SPIDR: variants seen among roughly 807,000 people sequenced by gnomAD.
SPIDR encodes the protein scaffold protein involved in DNA repair.
SPIDR carries 93 observed loss-of-function variants against 104.6 expected under a neutral mutation model. That is an observed-to-expected ratio of 0.89 (90% CI 0.75 to 1.06). The LOEUF (loss-of-function observed/expected upper bound fraction) is 1.06. Among genes scored for constraint, SPIDR ranks in the 50% least tolerant of loss-of-function variants. The pLI, the probability that SPIDR is intolerant of heterozygous loss-of-function variation, is 0.00. For synonymous variants in SPIDR, 431 were observed against 416.9 expected (o/e 1.03, Z -0.41); for missense variants, 1,154 against 1,111.2 (o/e 1.04, Z -0.55).
chr8:47,510,649 A>G (rs2082177713), intron 8 of SPIDR, among the ~76,000 whole-genome samples: 1 of 152,158 alleles, frequency 6.6e-6, no homozygotes, highest in South Asian at 2.1e-4. Context: ...TAACAAATAT[A>G]CTTGTTGAAT....
At chr8:47,482,207 T>A (rs2076974176) in intron 8 of SPIDR, among the ~76,000 whole-genome samples, 1 of 152,242 alleles carries the variant, frequency 6.6e-6, no homozygotes, top group Non-Finnish European at 1.5e-5. Context: ...TATTCATTCC[T>A]ATTTTTTGTA....
At chr8:47,726,206 C>G (rs773545228) in intron 16 of SPIDR, among the ~76,000 whole-genome samples, 3 of 152,220 alleles carry the variant, frequency 2.0e-5, no homozygotes, top group Non-Finnish European at 4.4e-5. Flanking sequence ...AAATCAAGAT[C>G]TATTATTTTC....
intron 7 of SPIDR, among the ~76,000 whole-genome samples, chr8:47,417,823 G>A (rs1383649014): frequency 2.0e-5 from 3 of 152,158 alleles, no homozygotes; most frequent in African/African-American, 7.2e-5. Flanking sequence ...AAGGGATCCA[G>A]TTTCAGCTTT....
At chr8:47,729,737 T>G (rs2084895995) in intron 19 of SPIDR, 1 of 475,356 alleles carries the variant, frequency 2.1e-6, no homozygotes, top group South Asian at 3.0e-5. Context: ...GTTTTTGTTT[T>G]TAGACAGAGT....
At chr8:47,304,582 T>C (rs1232694296) in intron 5 of SPIDR, among the ~76,000 whole-genome samples, 1 of 152,168 alleles carries the variant, frequency 6.6e-6, no homozygotes, top group Non-Finnish European at 1.5e-5. Flanking sequence ...CCATGTGAAG[T>C]GTCTGCTTCC....
chr8:47,288,087 C>G (rs1248197956), intron 3 of SPIDR, among the ~76,000 whole-genome samples: 1 of 152,030 alleles, frequency 6.6e-6, no homozygotes, highest in African/African-American at 2.4e-5. Context: ...TCCCTCTGTT[C>G]GGGGTCCCTG....
chr8:47,426,956 C>T (rs900861369), intron 7 of SPIDR, among the ~76,000 whole-genome samples: 4 of 151,960 alleles, frequency 2.6e-5, no homozygotes, highest in African/African-American at 7.3e-5. Flanking sequence ...TATTGAAGTA[C>T]GTTTTGAAGA....
At position 47,567,861 on chromosome 8, in the gene SPIDR, C is replaced by G. The variant is rs142942895; in HGVS notation, c.1098-27950C>G. Reference sequence around the variant, plus strand: ...AGTGCAGAGGCATAATCACAGCTCACTGCAGCCTTGACTTCCTGGGCTCAA... The same window carrying G: ...AGTGCAGAGGCATAATCACAGCTCAGTGCAGCCTTGACTTCCTGGGCTCAA... On this transcript the variant is annotated intron_variant, in intron 8 of 19. Coordinates refer to ENST00000297423, the MANE Select transcript of SPIDR (RefSeq NM_001080394.4). 6.4e-4 allele frequency among the ~76,000 whole-genome samples: 86 copies of G among 135,120 alleles called. 2 individuals carry two copies. In the East Asian group the frequency reaches 0.02, roughly 31 times the overall value. 88.6% of individuals were successfully genotyped at this position (135,120 alleles called of 152,430 possible).
At position 47,455,637 on chromosome 8, in the gene SPIDR, T is replaced by C. The variant is rs140719571; in HGVS notation, c.1097+15095T>C. 3.5e-3 allele frequency among the ~76,000 whole-genome samples: 536 copies of C among 151,974 alleles called. 7 individuals are homozygous for C. The highest frequency in any genetic ancestry group is 0.012 in the African/African-American group (508 of 41,466). On this transcript the variant is annotated intron_variant, in intron 8 of 19. Coordinates refer to ENST00000297423, the MANE Select transcript of SPIDR (RefSeq NM_001080394.4). ...ATAAGCCATCTACAAGAGAATCAAATTAAACATAAGGATACAAAATGGTTG... is the reference window on the plus strand; with the variant it reads ...ATAAGCCATCTACAAGAGAATCAAACTAAACATAAGGATACAAAATGGTTG...
intron 5 of SPIDR, among the ~76,000 whole-genome samples, chr8:47,299,176 T>G (rs1341235796): frequency 1.3e-5 from 2 of 152,228 alleles, no homozygotes; most frequent in Non-Finnish European, 2.9e-5. Context: ...TCACGTCTCT[T>G]GTAAGTTGGA....
intron 8 of SPIDR, among the ~76,000 whole-genome samples, chr8:47,521,727 T>TG (rs2084133162): frequency 6.6e-6 from 1 of 151,766 alleles, no homozygotes; most frequent in South Asian, 2.1e-4. Context: ...TGGCCACTCT[T>TG]TATTTTTTTA....
chr8:47,406,188 T>C (rs2062733525), intron 6 of SPIDR, among the ~76,000 whole-genome samples: 1 of 152,188 alleles, frequency 6.6e-6, no homozygotes. Flanking sequence ...ATTTGCTTCT[T>C]GTATTTATTG....
chr8:47,652,383 C>T (rs1047036875), intron 10 of SPIDR, among the ~76,000 whole-genome samples: 1 of 152,148 alleles, frequency 6.6e-6, no homozygotes, highest in Admixed American at 6.5e-5. Context: ...TTGCTGGGCA[C>T]CCAGGTCCAG....
intron 10 of SPIDR, among the ~76,000 whole-genome samples, chr8:47,627,410 A>G (rs1385800560): frequency 6.6e-6 from 1 of 152,206 alleles, no homozygotes; most frequent in African/African-American, 2.4e-5. Flanking sequence ...TTTAAAAAAA[A>G]AGAAATGATT....
chr8:47,716,180 G>A (rs1173757286), intron 16 of SPIDR, among the ~76,000 whole-genome samples: 1 of 152,004 alleles, frequency 6.6e-6, no homozygotes, highest in African/African-American at 2.4e-5. Context: ...GGCTGGTCTT[G>A]AACTCCTGAC....
At chr8:47,377,813 A>G (rs1554643281) in intron 5 of SPIDR, among the ~76,000 whole-genome samples, 1 of 152,210 alleles carries the variant, frequency 6.6e-6, no homozygotes, top group Non-Finnish European at 1.5e-5. Flanking sequence ...GGTTGGAGCA[A>G]CTCAGCCTGC....
chr8:47,694,773 T>C (rs528578200), intron 11 of SPIDR, among the ~76,000 whole-genome samples: 4 of 152,004 alleles, frequency 2.6e-5, no homozygotes, highest in Admixed American at 1.3e-4. Context: ...ATTTGGGGTG[T>C]GTGTATGTGT....
intron 5 of SPIDR, among the ~76,000 whole-genome samples, chr8:47,378,279 T>C (rs1353435060): frequency 1.3e-5 from 2 of 152,184 alleles, no homozygotes; most frequent in Non-Finnish European, 1.5e-5. Context: ...CCCAACAGTA[T>C]ATTAAAGACT....
intron 8 of SPIDR, among the ~76,000 whole-genome samples, chr8:47,536,146 CAAA>C (rs1644022441): frequency 6.6e-6 from 1 of 151,628 alleles, no homozygotes; most frequent in Non-Finnish European, 1.5e-5. Context: ...ATGAAGAAAT[CAAA>C]GAAGAGCTAA....
Sources: gnomAD v4.1 joint callset for allele counts (sites outside exome capture counted in the v4.1 genomes callset) on GRCh38, gnomAD v4.1.1 for gene constraint, MANE v1.5 for transcripts, NCBI Gene and HGNC (gene_info 2026-07-23, HGNC 2026-07-21) for gene names.